CD22: variants seen among roughly 807,000 people sequenced by gnomAD.
CD22 encodes B-cell receptor CD22.
A neutral mutation model predicts 94.7 loss-of-function variants in CD22; 51 were observed. The ratio of observed to expected loss-of-function variants is 0.54; its 90% CI spans 0.43 to 0.68. CD22 has a LOEUF of 0.68. Among genes scored for constraint, CD22 ranks in the 30% least tolerant of loss-of-function variants. CD22 has a pLI of 0.00. For synonymous variants in CD22, 424 were observed against 422.5 expected, an observed-to-expected ratio of 1.00 and a Z score of -0.04; for missense variants, 931 against 1,060.4, an observed-to-expected ratio of 0.88 and a Z score of 1.69.
chr19:35,336,066 C>CT lies in CD22; in HGVS notation c.444dup (p.Pro149SerfsTer84). ...CCTTTTCCACCTCATATCCAGCTCC[C>CT]TCCAGAAATTCAAGAGTCCCAGGAA... On this transcript the variant is annotated frameshift_variant, in exon 4 of 14. Transcript: ENST00000085219. LOFTEE classifies it high-confidence loss of function. 1 of 1,613,888 alleles carries CT rather than the reference C, an allele frequency of 6.2e-7. No homozygotes were observed. The highest frequency in any genetic ancestry group is 2.2e-5 in the East Asian group (1 of 44,880).
chr19:35,332,909 C>T lies in CD22; in HGVS notation c.397C>T (p.His133Tyr), dbSNP rs1164278075. Residue 133 changes from histidine to tyrosine, a missense_variant, in exon 3 of 14, where the codon CAC becomes TAC. Physicochemically the swap from His to Tyr is moderately conservative, Grantham distance 83. Transcript: ENST00000085219. The stretch of plus-strand genomic sequence containing the variant: ...GACTGAGAAATGGATGGAACGAATA[C>T]ACCTCAATGTCTCTGGTAAGGCCTT... ...SKTEKWMERI[H>Y]LNVSERPFPP... 8 of 1,613,788 alleles carry T rather than the reference C, an allele frequency of 5.0e-6. No homozygotes were observed. Among genetic ancestry groups the T allele is most frequent in the African/African-American group, 2.7e-5 (2 of 74,912 alleles).
chr19:35,341,218 TG>T lies in CD22; in HGVS notation c.1507+83del. ...GGATGAAGGCAACGAGGCCGGAGCC[TG>T]GGCCAGTGTCTTCAACAGAATTGAG... On this transcript the variant is annotated intron_variant, in intron 7 of 13. Coordinates refer to ENST00000085219, the MANE Select transcript of CD22 (RefSeq NM_001771.4). This position sits in a 1 kb window ranked among gnomAD's most constrained non-coding sequence, Gnocchi z 4.0. The T allele has an allele frequency of 6.2e-7, 1 of 1,603,054 alleles. No individual in the cohort carries two copies. The highest frequency in any genetic ancestry group is 8.5e-7 in the Non-Finnish European group (1 of 1,172,714).
At chr19:35,342,154 C>T (rs2066825464) in intron 9 of CD22, among the ~76,000 whole-genome samples, 189 bp downstream of exon 9, 1 of 150,688 alleles carries the variant, frequency 6.6e-6, no homozygotes. Flanking sequence ...CCTCCTCTTT[C>T]TTCTCCTTCT....
intron 4 of CD22, 68 bp downstream of exon 4, chr19:35,336,409 G>A (rs2066725326): frequency 1.3e-6 from 2 of 1,495,382 alleles, no homozygotes; most frequent in Non-Finnish European, 1.8e-6. Context: ...CCCCGCAGGG[G>A]GCATGCACCC....
chr19:35,335,399 T>C (rs540302445), intron 3 of CD22, among the ~76,000 whole-genome samples: 3 of 151,476 alleles, frequency 2.0e-5, no homozygotes, highest in Admixed American at 6.6e-5. Context: ...CTACAAAATG[T>C]TTAAAAAACT....
intron 6 of CD22, 28 bp downstream of exon 6, chr19:35,338,459 A>C (rs2066757843): frequency 6.3e-7 from 1 of 1,596,198 alleles, no homozygotes; most frequent in South Asian, 1.1e-5. Flanking sequence ...CTCTGGTTCT[A>C]GGGAGAGAAG....
At chr19:35,340,629 C>T (rs936329522) in intron 6 of CD22, among the ~76,000 whole-genome samples, 2 of 152,192 alleles carry the variant, frequency 1.3e-5, no homozygotes, top group Admixed American at 6.5e-5. Context: ...AGCCCATGCC[C>T]GTGCGCCTCT....
chr19:35,336,115 T>G lies in CD22; in HGVS notation c.492T>G (p.Asn164Lys). 3 of 1,614,142 alleles carry G rather than the reference T, an allele frequency of 1.9e-6. No homozygotes were observed. Among genetic ancestry groups the G allele is most frequent in the Non-Finnish European group, 2.5e-6 (3 of 1,180,006 alleles). Residue 164 changes from asparagine to lysine, a missense_variant, in exon 4 of 14, where the codon AAT (asparagine) becomes AAG (lysine). Asn to Lys is a moderately conservative substitution (Grantham distance 94, BLOSUM62 0). Coordinates refer to ENST00000085219, the MANE Select transcript of CD22 (RefSeq NM_001771.4). ...SQEVTLTCLL[N>K]FSCYGYPIQL... ...AAGTCACTCTGACCTGCTTGCTGAA[T>G]TTCTCCTGCTATGGGTATCCGATCC...
At chr19:35,329,338 C>A in intron 1 of CD22, 108 bp downstream of exon 1, 1 of 613,586 alleles carries the variant, frequency 1.6e-6, no homozygotes. Context: ...GGGGACCTCC[C>A]TGGCTCTCTC....
In CD22 at chr19:35,345,713, C is replaced by T. The variant is rs755327358; in HGVS notation, c.2320C>T (p.Arg774Ter). 2.5e-6 allele frequency: 4 copies of T among 1,602,672 alleles called. No homozygotes were observed. Among genetic ancestry groups the T allele is most frequent in the East Asian group, 2.2e-5 (1 of 44,802 alleles). The change falls in exon 12 of 14, where the codon CGA becomes TGA. Residue 774 changes from arginine (R) to a stop codon, truncating the protein, a stop_gained. Coordinates refer to ENST00000085219, the MANE Select transcript of CD22 (RefSeq NM_001771.4). LOFTEE classifies it high-confidence loss of function. ...TLRFPEMNIP[R>*]TGDAESSEMQ... Reference sequence around the variant, plus strand: ...GCGCTTTCCCGAGATGAACATACCACGAACTGGGTACTGAGGGTACCAGGA... The same window carrying T: ...GCGCTTTCCCGAGATGAACATACCATGAACTGGGTACTGAGGGTACCAGGA...
rs767123537 is a variant in CD22, at chr19:35,346,222, A to C, written c.2399A>C (p.His800Pro). The change falls in exon 13 of 14, where the codon CAC becomes CCC. Residue 800 changes from histidine to proline, a missense_variant. By Grantham distance (77) the His-to-Pro change is moderately conservative. Transcript: ENST00000085219. Reference sequence around the variant, plus strand: ...GACACGGTCACTTATTCAGCATTGCACAAGCGCCAAGTGGTAAGGAGGGTC... The same window carrying C: ...GACACGGTCACTTATTCAGCATTGCCCAAGCGCCAAGTGGTAAGGAGGGTC... ...CDDTVTYSAL[H>P]KRQVGDYENV... 6.2e-7 allele frequency: 1 copy of C among 1,613,882 alleles called. No homozygotes were observed. The highest frequency in any genetic ancestry group is 1.7e-5 in the Admixed American group (1 of 60,026).
chr19:35,340,600 C>T (rs1339701408), intron 6 of CD22, among the ~76,000 whole-genome samples: 1 of 152,160 alleles, frequency 6.6e-6, no homozygotes, highest in African/African-American at 2.4e-5. Context: ...ATTTGACAGA[C>T]GTGTAAACTG....
At chr19:35,344,968 A>C in intron 10 of CD22, 43 bp downstream of exon 10, 1 of 1,601,646 alleles carries the variant, frequency 6.2e-7, no homozygotes, top group Non-Finnish European at 8.6e-7. Flanking sequence ...ATCCCTTGGC[A>C]GAGGCCCGTG....
In CD22 at chr19:35,343,034, G is replaced by A. The variant is rs372013435; in HGVS notation, c.2035+1069G>A. On this transcript the variant is annotated intron_variant, in intron 9 of 13. Coordinates refer to ENST00000085219, the MANE Select transcript of CD22 (RefSeq NM_001771.4). ...ACCGTGGTCTCAGTCTCCTGACCTC[G>A]TGATCCGCTCGCCTCGGCCTTCCAA... 2.7e-4 allele frequency among the ~76,000 whole-genome samples: 41 copies of A among 151,830 alleles called. 2 individuals are homozygous for A. The highest frequency in any genetic ancestry group is 6.8e-4 in the African/African-American group (28 of 41,388).
chr19:35,342,842 G>A (rs1004814375), intron 9 of CD22, among the ~76,000 whole-genome samples: 5 of 151,542 alleles, frequency 3.3e-5, no homozygotes, highest in South Asian at 2.1e-4. Context: ...ACGGAGTCTC[G>A]ATCTGTCACC....
chr19:35,345,085 G>A lies in CD22; in HGVS notation c.2167G>A (p.Glu723Lys). The A allele has an allele frequency of 6.2e-7, 1 of 1,614,038 alleles. No homozygotes were observed. Among genetic ancestry groups the A allele is most frequent in the South Asian group, 1.1e-5 (1 of 91,070 alleles). Residue 723 changes from glutamate to lysine, a missense_variant, in exon 11 of 14, where the codon GAG becomes AAG. Coordinates refer to ENST00000085219, the MANE Select transcript of CD22 (RefSeq NM_001771.4). ...KRTQSQQGLQ[E>K]NSSGQSFFVR... ...GACACAGAGCCAGCAGGGGCTTCAG[G>A]AGAATTCCAGCGGCCAGAGCTTCTT...
Position 35,337,652 on chromosome 19 carries a change from G to T in CD22, c.719-103G>T. On this transcript the variant is annotated intron_variant, in intron 4 of 13. Transcript: ENST00000085219. This position sits in a 1 kb window ranked among gnomAD's most constrained non-coding sequence, Gnocchi z 4.4. ...AGGCTGTGACCATCACCTGGGTGAA[G>T]GGACTGGCAGGCCATGGCTTTGTCA... The T allele has an allele frequency of 9.8e-7, 1 of 1,015,522 alleles. No homozygotes were observed. The allele number at this position is 1,015,522 out of a possible 1,614,324, so 62.9% of individuals were successfully genotyped here.
chr19:35,344,989 C>T (rs2066879458), intron 10 of CD22, 62 bp from the exon 11 acceptor site: 2 of 1,600,264 alleles, frequency 1.2e-6, no homozygotes, highest in Non-Finnish European at 1.7e-6. Context: ...TCCAGTTGCT[C>T]CATCTCGAAG....
chr19:35,333,487 A>G (rs151094693), intron 3 of CD22, among the ~76,000 whole-genome samples: 1,824 of 152,270 alleles, frequency 0.012, 23 homozygotes, highest in Non-Finnish European at 0.019. Flanking sequence ...CAGTGCCATA[A>G]CTGAGCCTGT....
Sources: gnomAD v4.1 joint callset for allele counts (sites outside exome capture counted in the v4.1 genomes callset) on GRCh38, gnomAD v4.1.1 for gene constraint, Gnocchi (gnomAD v3.1) non-coding constraint, MANE v1.5 for transcripts, NCBI Gene and HGNC (gene_info 2026-07-23, HGNC 2026-07-21) for gene names.